Variants in SLC4A1 observed in about 807,000 individuals in gnomAD.
SLC4A1 encodes the protein solute carrier family 4 member 1 (Diego blood group), also known as band 3 anion transport protein.
In SLC4A1, 29 loss-of-function variants were observed where a neutral mutation model predicts 93.1. The ratio of observed to expected loss-of-function variants is 0.31; its 90% CI spans 0.23 to 0.42. The LOEUF (loss-of-function observed/expected upper bound fraction) is 0.42, where lower values mean the gene tolerates loss of function less well. Ranked by LOEUF, SLC4A1 falls within the 20% of genes least tolerant of loss-of-function variation. SLC4A1 has a pLI of 1.00. For missense variants in SLC4A1, 965 were observed against 1,190.1 expected (o/e 0.81, Z 2.78); for synonymous variants, 469 against 497.2 (o/e 0.94, Z 0.76).
intron 17 of SLC4A1, 131 bp from the exon 18 acceptor site, chr17:44,251,719 T>TC (rs2047342431): frequency 9.4e-6 from 5 of 530,436 alleles, no homozygotes; most frequent in Non-Finnish European, 1.5e-5. Flanking sequence ...CCTTTTCTTT[T>TC]CTTTTTTTTT....
At chr17:44,256,791 T>A (rs1039544362) in intron 13 of SLC4A1, among the ~76,000 whole-genome samples, 1 of 152,052 alleles carries the variant, frequency 6.6e-6, no homozygotes, top group Non-Finnish European at 1.5e-5. Context: ...AGGCAGCAGG[T>A]GCCAACACAT....
chr17:44,265,908 G>C (rs1038112302), intron 1 of SLC4A1, among the ~76,000 whole-genome samples: 5 of 151,948 alleles, frequency 3.3e-5, no homozygotes, highest in African/African-American at 1.2e-4. Flanking sequence ...TTGAACCAGG[G>C]GGCAGAGGTT....
chr17:44,263,277 A>T lies in SLC4A1; in HGVS notation c.-68-343T>A, dbSNP rs150592348. ...TCTTGCCCATCCCTGGGACTCAGCT[A>T]ATACCAGGGGACCTGCTGGTCTCTT... On this transcript the variant is annotated intron_variant, in intron 1 of 19. Transcript: ENST00000262418. 7.5e-4 allele frequency among the ~76,000 whole-genome samples: 114 copies of T among 152,182 alleles called. 2 individuals carry two copies. In the East Asian group the frequency reaches 0.021, roughly 28 times the overall value.
chr17:44,251,162 C>T lies in SLC4A1; in HGVS notation c.2652G>A (p.Gln884=). The change falls in exon 19 of 20, where the codon CAG becomes CAA. Residue 884 remains glutamine, a synonymous_variant. Transcript: ENST00000262418. ...CCAGGCCCAGGCAGCCACTCACACACTGAAGCTCCACGTTCCTGAAGATGA... is the reference window on the plus strand; with the variant it reads ...CCAGGCCCAGGCAGCCACTCACACATTGAAGCTCCACGTTCCTGAAGATGA... The part of the protein sequence containing the change: ...LPLIFRNVEL[Q]CLDADDAKAT... 1.3e-6 allele frequency: 2 copies of T among 1,599,242 alleles called. No individual in the cohort carries two copies. The highest frequency in any genetic ancestry group is 1.7e-6 in the Non-Finnish European group (2 of 1,172,972).
At position 44,261,035 on chromosome 17, in the gene SLC4A1, G is replaced by C. The variant is rs144829935; in HGVS notation, c.169-220C>G. ...AGAACCCTGACCCAAAGGGATGCTG[G>C]AGAGGCCACTGGGGAGGGAAAGGAG... On this transcript the variant is annotated intron_variant, in intron 4 of 19. Transcript: ENST00000262418. Among the ~76,000 whole-genome samples, 586 of 152,326 alleles carry C rather than the reference G, an allele frequency of 3.8e-3. 10 individuals are homozygous for C. The highest frequency in any genetic ancestry group is 0.033 in the East Asian group (172 of 5,180).
At chr17:44,262,527 C>G (rs113375808) in intron 3 of SLC4A1, 109 bp downstream of exon 3, 2 of 781,846 alleles carry the variant, frequency 2.6e-6, no homozygotes, top group East Asian at 2.7e-5. Context: ...GAGAACGGCC[C>G]GTGGTGCTTG....
rs374952372 is a variant in SLC4A1, at chr17:44,267,392, G to T, written c.-69+662C>A. On this transcript the variant is annotated intron_variant, in intron 1 of 19. Transcript: ENST00000262418. Reference sequence around the variant, plus strand: ...CATTAAGGAAATTTACATTTGTAAGGGGCTTAGAACAGTGCCTAGCATATA... The same window carrying T: ...CATTAAGGAAATTTACATTTGTAAGTGGCTTAGAACAGTGCCTAGCATATA... 5.3e-5 allele frequency among the ~76,000 whole-genome samples: 8 copies of T among 152,296 alleles called. No individual in the cohort carries two copies. The East Asian group carries it at 9.6e-4, about 18-fold the overall frequency.
intron 1 of SLC4A1, among the ~76,000 whole-genome samples, chr17:44,263,477 C>T (rs571478415): frequency 2.6e-5 from 4 of 152,302 alleles, no homozygotes; most frequent in African/African-American, 9.6e-5. Context: ...CTCGCTCTCT[C>T]CCCACCTAGC....
chr17:44,253,013 G>A (rs1013207765), intron 17 of SLC4A1, 105 bp downstream of exon 17: 8 of 1,197,372 alleles, frequency 6.7e-6, no homozygotes, highest in Non-Finnish European at 8.5e-6. Context: ...GGTGCAGGAT[G>A]GGGGAGGCTG....
chr17:44,250,689 C>A, intron 19 of SLC4A1, 151 bp from the exon 20 acceptor site: 2 of 683,390 alleles, frequency 2.9e-6, no homozygotes, highest in Middle Eastern at 3.4e-4. Context: ...GCAGCTAGGA[C>A]TGGCCTAAAT....
intron 4 of SLC4A1, 114 bp from the exon 5 acceptor site, chr17:44,260,929 G>A (rs1231445246): frequency 8.2e-7 from 1 of 1,224,454 alleles, no homozygotes; most frequent in Non-Finnish European, 1.2e-6. Flanking sequence ...TGTGCTCAAG[G>A]GTCCGTAGAT....
In SLC4A1 at chr17:44,261,587, C is replaced by T. The variant is rs763797611; in HGVS notation, c.156G>A (p.Pro52=). The change falls in exon 4 of 20, where the codon CCG becomes CCA. Residue 52 remains proline, a synonymous_variant. Coordinates refer to ENST00000262418, the MANE Select transcript of SLC4A1 (RefSeq NM_000342.4). ...TATDYHTTSH[P]GTHKVYVELQ... is the part of the protein sequence containing the mutation. Reference sequence around the variant, plus strand: ...CTGGGGTCCTCACCTTGTGGGTACCCGGGTGTGATGTGGTGTGGTAGTCTG... The same window carrying T: ...CTGGGGTCCTCACCTTGTGGGTACCTGGGTGTGATGTGGTGTGGTAGTCTG... 9 of 1,613,996 alleles carry T rather than the reference C, an allele frequency of 5.6e-6. No individual in the cohort carries two copies. The highest frequency in any genetic ancestry group is 3.3e-5 in the Admixed American group (2 of 59,992).
In SLC4A1 at chr17:44,260,748, G is replaced by T. The variant is rs376688172; in HGVS notation, c.236C>A (p.Ala79Glu). Residue 79 changes from alanine (A) to glutamate (E), a missense_variant, in exon 5 of 20, where the codon GCG becomes GAG. Physicochemically the swap from Ala to Glu is moderately radical, Grantham distance 107. Transcript: ENST00000262418. ...KNQELRWMEA[A>E]RWVQLEENLG... is the part of the protein sequence containing the mutation. ...GTTCTCCTCCAGTTGCACCCAGCGC[G>T]CCGCCTCCATCCATCTCAGCTCCTG... The T allele has an allele frequency of 1.9e-6, 3 of 1,614,036 alleles. No individual in the cohort carries two copies. The highest frequency in any genetic ancestry group is 2.2e-5 in the South Asian group (2 of 91,084).
In SLC4A1 at chr17:44,252,833, C is replaced by A. The variant is rs2047354557; in HGVS notation, c.2311+285G>T. ...GTTAGCAGCAGGGCAGGGCTAGAAC[C>A]CACAGTTCACTGGACTTCTGTTGGG... On this transcript the variant is annotated intron_variant, in intron 17 of 19. Transcript: ENST00000262418. Among the ~76,000 whole-genome samples, 3 of 152,176 alleles carry A rather than the reference C, an allele frequency of 2.0e-5. No individual in the cohort carries two copies. In the South Asian group the frequency reaches 6.2e-4, roughly 32 times the overall value.
rs759243996 is a variant in SLC4A1, at chr17:44,260,391, C to T, written c.485+13G>A. ...ACTGGATATGGAATCCAGGCCCTGG[C>T]AGGCAGGGGCACCTGTGTTTAAGCA... On this transcript the variant is annotated intron_variant, in intron 6 of 19. Coordinates refer to ENST00000262418, the MANE Select transcript of SLC4A1 (RefSeq NM_000342.4). The T allele has an allele frequency of 1.1e-5, 18 of 1,608,994 alleles. No individual in the cohort carries two copies. The highest frequency in any genetic ancestry group is 1.5e-5 in the Non-Finnish European group (18 of 1,178,042).
chr17:44,259,958 C>G, intron 6 of SLC4A1, 26 bp from the exon 7 acceptor site: 2 of 1,612,432 alleles, frequency 1.2e-6, no homozygotes, highest in Non-Finnish European at 1.7e-6. Flanking sequence ...GGGACATGGG[C>G]TGAGTAAGCT....
Position 44,253,279 on chromosome 17 carries a change from G to A in SLC4A1, c.2150C>T (p.Ala717Val). The A allele has an allele frequency of 6.2e-7, 1 of 1,614,034 alleles. No homozygotes were observed. Among genetic ancestry groups the A allele is most frequent in the Non-Finnish European group, 8.5e-7 (1 of 1,180,006 alleles). The change falls in exon 17 of 20, where the codon GCC becomes GTC. Residue 717 changes from alanine to valine, a missense_variant. Transcript: ENST00000262418. ...LLVVGMGGVA[A>V]LFGMPWLSAT... Reference sequence around the variant, plus strand: ...ACTGAGCCAGGGCATCCCAAAGAGGGCGGCCACCCCACCCATGCCTACTAC... The same window carrying A: ...ACTGAGCCAGGGCATCCCAAAGAGGACGGCCACCCCACCCATGCCTACTAC...
chr17:44,258,185 G>A lies in SLC4A1; in HGVS notation c.1088-5C>T, dbSNP rs759205350. On this transcript the variant is annotated splice_polypyrimidine_tract_variant and splice_region_variant and intron_variant, in intron 10 of 19. Coordinates refer to ENST00000262418, the MANE Select transcript of SLC4A1 (RefSeq NM_000342.4). This position sits in a 1 kb window ranked among gnomAD's most constrained non-coding sequence, Gnocchi z 6.1. Reference sequence around the variant, plus strand: ...CATCTGGGCCCCCATTTAAGTCTGTGGTGGAGGATAAGAGCATGGTCAGAG... The same window carrying A: ...CATCTGGGCCCCCATTTAAGTCTGTAGTGGAGGATAAGAGCATGGTCAGAG... 6.2e-7 allele frequency: 1 copy of A among 1,613,826 alleles called. No homozygotes were observed. The highest frequency in any genetic ancestry group is 8.5e-7 in the Non-Finnish European group (1 of 1,179,866).
At chr17:44,252,575 C>G (rs2047352444) in intron 17 of SLC4A1, among the ~76,000 whole-genome samples, 1 of 152,182 alleles carries the variant, frequency 6.6e-6, no homozygotes, top group African/African-American at 2.4e-5. Context: ...TCTCCATCTG[C>G]AACCATGGCA....
Sources: gnomAD v4.1 joint callset for allele counts (sites outside exome capture counted in the v4.1 genomes callset) on GRCh38, gnomAD v4.1.1 for gene constraint, Gnocchi (gnomAD v3.1) non-coding constraint, MANE v1.5 for transcripts, NCBI Gene and HGNC (gene_info 2026-07-23, HGNC 2026-07-21) for gene names.